The following RORA variants were observed in gnomAD, a reference collection of about 807,000 sequenced individuals.
RORA encodes nuclear receptor ROR-alpha.
In RORA, 7 loss-of-function variants were observed where a neutral mutation model predicts 69.5. That is an observed-to-expected ratio of 0.10 (90% CI 0.06 to 0.19). The LOEUF (loss-of-function observed/expected upper bound fraction) is 0.19. Among genes scored for constraint, RORA ranks in the 10% least tolerant of loss-of-function variants. RORA has a pLI of 1.00. For missense variants in RORA, 457 were observed against 663.0 expected, an observed-to-expected ratio of 0.69 and a Z score of 3.41; for synonymous variants, 261 against 240.8, an observed-to-expected ratio of 1.08 and a Z score of -0.78.
At chr15:61,096,165 G>A (rs950388505) in intron 1 of RORA, among the ~76,000 whole-genome samples, 2 of 152,196 alleles carry the variant, frequency 1.3e-5, no homozygotes, top group Non-Finnish European at 2.9e-5. Flanking sequence ...CCCACATTGG[G>A]GGAGTGTGAG....
chr15:60,788,614 CT>C (rs985636201), intron 1 of RORA, among the ~76,000 whole-genome samples: 3 of 152,174 alleles, frequency 2.0e-5, no homozygotes, highest in African/African-American at 7.2e-5. Flanking sequence ...AGTGCCTGGC[CT>C]AGCTTGGCCT....
At chr15:61,027,623 T>C (rs1895896626) in intron 1 of RORA, among the ~76,000 whole-genome samples, 1 of 152,214 alleles carries the variant, frequency 6.6e-6, no homozygotes, top group South Asian at 2.1e-4. Flanking sequence ...TCCTCTGCTC[T>C]GTTACAACAA....
At chr15:60,810,059 T>C (rs1376690218) in intron 1 of RORA, among the ~76,000 whole-genome samples, 2 of 152,182 alleles carry the variant, frequency 1.3e-5, no homozygotes, top group African/African-American at 4.8e-5. Context: ...CTCTCTATTT[T>C]GTTGGCTTCC....
chr15:61,116,506 C>A (rs1214135652), intron 1 of RORA, among the ~76,000 whole-genome samples: 1 of 152,172 alleles, frequency 6.6e-6, no homozygotes, highest in African/African-American at 2.4e-5. Flanking sequence ...GACCAAGCGG[C>A]CATTCCTTTG....
At chr15:60,999,683 T>C (rs1894685811) in intron 1 of RORA, among the ~76,000 whole-genome samples, 1 of 152,174 alleles carries the variant, frequency 6.6e-6, no homozygotes, top group Non-Finnish European at 1.5e-5. Context: ...GGCTCAGCCT[T>C]CACGAGGACC....
intron 3 of RORA, among the ~76,000 whole-genome samples, chr15:60,515,973 TTATA>T (rs1160436999): frequency 1.1e-3 from 18 of 16,768 alleles, no homozygotes; most frequent in Non-Finnish European, 1.1e-3. Flanking sequence ...TTATATATAT[TTATA>T]TATTTATATA....
chr15:61,194,534 G>T (rs2079829859), intron 1 of RORA, among the ~76,000 whole-genome samples: 1 of 95,660 alleles, frequency 1.0e-5, no homozygotes, highest in Non-Finnish European at 2.4e-5. Flanking sequence ...CTGCACTCCA[G>T]CCTAGGAGGA....
intron 1 of RORA, among the ~76,000 whole-genome samples, chr15:60,693,037 T>C (rs538337383): frequency 1.1e-4 from 16 of 152,256 alleles, no homozygotes; most frequent in East Asian, 1.9e-4. Context: ...TGAACATTGA[T>C]GCAAAAATCC....
intron 1 of RORA, among the ~76,000 whole-genome samples, chr15:61,163,672 A>G (rs2079516544): frequency 6.6e-6 from 1 of 152,190 alleles, no homozygotes; most frequent in Non-Finnish European, 1.5e-5. Context: ...GAGAGGAGTC[A>G]CAGCTGCTGA....
chr15:61,022,606 C>A (rs1417934122), intron 1 of RORA, among the ~76,000 whole-genome samples: 2 of 152,048 alleles, frequency 1.3e-5, no homozygotes, highest in Non-Finnish European at 1.5e-5. Flanking sequence ...CAGAGCCCCG[C>A]CGTGATAAAT....
chr15:61,172,175 T>C (rs1338905987), intron 1 of RORA, among the ~76,000 whole-genome samples: 1 of 152,130 alleles, frequency 6.6e-6, no homozygotes, highest in Non-Finnish European at 1.5e-5. Context: ...ACACAGCAGA[T>C]GAATATTTAA....
At chr15:60,513,926 G>A (rs1452454458) in intron 4 of RORA, among the ~76,000 whole-genome samples, 2 of 152,214 alleles carry the variant, frequency 1.3e-5, no homozygotes, top group South Asian at 4.1e-4. Flanking sequence ...GACCCGCTGT[G>A]CTTTCTGCCC....
intron 1 of RORA, among the ~76,000 whole-genome samples, chr15:61,138,580 C>G (rs549686204): frequency 1.3e-5 from 2 of 152,190 alleles, no homozygotes; most frequent in South Asian, 4.2e-4. Context: ...CCAAGTCCCT[C>G]CATGCCTCCA....
At chr15:61,055,287 G>T (rs12324535) in intron 1 of RORA, among the ~76,000 whole-genome samples, 1 of 151,964 alleles carries the variant, frequency 6.6e-6, no homozygotes, top group South Asian at 2.1e-4. Flanking sequence ...GGGTTTTAAC[G>T]TTTTTGAGGG....
chr15:61,037,820 G>A (rs1896536190), intron 1 of RORA, among the ~76,000 whole-genome samples: 1 of 152,224 alleles, frequency 6.6e-6, no homozygotes, highest in Non-Finnish European at 1.5e-5. Context: ...AGAAGGCCAT[G>A]CGAACACAGA....
chr15:61,132,126 A>G (rs942781000), intron 1 of RORA, among the ~76,000 whole-genome samples: 1 of 152,262 alleles, frequency 6.6e-6, no homozygotes, highest in African/African-American at 2.4e-5. Context: ...TTCCTGGTAT[A>G]AAATGGAAGT....
Position 60,931,172 on chromosome 15 carries a change from A to G in RORA, c.167-252486T>C, listed in dbSNP as rs578098722. 9.8e-5 allele frequency among the ~76,000 whole-genome samples: 15 copies of G among 152,322 alleles called. No individual in the cohort carries two copies. In the East Asian group the frequency reaches 2.3e-3, roughly 24 times the overall value. On this transcript the variant is annotated intron_variant, in intron 1 of 10. Transcript: ENST00000335670. ...AGAAGGTGAGTCTGCCTAGAGCAGC[A>G]GATAGGCTCCAGGTCCATAAGTGGG... is the stretch of plus-strand genomic sequence containing the variant.
chr15:60,732,501 G>A (rs1037966317), intron 1 of RORA, among the ~76,000 whole-genome samples: 1 of 152,182 alleles, frequency 6.6e-6, no homozygotes, highest in African/African-American at 2.4e-5. Context: ...TGGAGTTTCA[G>A]TGTAGAAGTT....
At chr15:60,972,586 A>G (rs1893750643) in intron 1 of RORA, among the ~76,000 whole-genome samples, 1 of 152,152 alleles carries the variant, frequency 6.6e-6, no homozygotes, top group African/African-American at 2.4e-5. Context: ...CACTATTTTA[A>G]AATAAAGTCC....
Sources: allele counts gnomAD v4.1 joint callset (sites outside exome capture counted in the v4.1 genomes callset), GRCh38; gene constraint gnomAD v4.1.1; transcripts MANE v1.5; gene names NCBI Gene and HGNC (gene_info 2026-07-23, HGNC 2026-07-21).